RGS14: variants seen among roughly 807,000 people sequenced by gnomAD.
RGS14 encodes the protein regulator of G protein signaling 14.
In RGS14, 33 loss-of-function variants were observed where a neutral mutation model predicts 63.8. That is an observed-to-expected ratio of 0.52 (90% CI 0.39 to 0.69). RGS14 has a LOEUF of 0.69. Ranked by LOEUF, RGS14 falls within the 30% of genes least tolerant of loss-of-function variation. RGS14 has a pLI of 0.00. For synonymous variants in RGS14, 296 were observed against 320.9 expected (o/e 0.92, Z 0.83); for missense variants, 739 against 742.9 (o/e 0.99, Z 0.06).
Position 177,366,877 on chromosome 5 carries a change from CCCTCCTCCTTCAG to C in RGS14, c.340-12_340del. 1 of 1,613,466 alleles carries C rather than the reference CCCTCCTCCTTCAG, an allele frequency of 6.2e-7. No homozygotes were observed. Among genetic ancestry groups the C allele is most frequent in the Non-Finnish European group, 8.5e-7 (1 of 1,179,546 alleles). On this transcript the variant is annotated splice_acceptor_variant and splice_polypyrimidine_tract_variant and intron_variant, in intron 4 of 14. Coordinates refer to ENST00000408923, the MANE Select transcript of RGS14 (RefSeq NM_006480.5). LOFTEE classifies it high-confidence loss of function. ...ACGCTCCCTGACCAACTCCTCCTGT[CCCTCCTCCTTCAG>C]CTAGCTCAGGAGGCCCGCAACATCT... is the stretch of plus-strand genomic sequence containing the variant.
Position 177,371,063 on chromosome 5 carries a change from CG to C in RGS14, c.1254+36del, listed in dbSNP as rs753045699. The C allele has an allele frequency of 8.3e-6, 5 of 599,240 alleles. No homozygotes were observed. Among genetic ancestry groups the C allele is most frequent in the East Asian group, 9.3e-5 (1 of 10,718 alleles). 37.1% of individuals were successfully genotyped at this position (599,240 alleles called of 1,614,324 possible). A position where few individuals can be genotyped will look rare whatever the true frequency, so the allele number is the denominator to read the frequency against. ...TTCCGGGCCGCGGGGCGGGGCGGGG[CG>C]GGGCCGGGCCGGGGCCGGGGCCGGG... On this transcript the variant is annotated intron_variant, in intron 11 of 14. Coordinates refer to ENST00000408923, the MANE Select transcript of RGS14 (RefSeq NM_006480.5). This position sits in a 1 kb window ranked among gnomAD's most constrained non-coding sequence, Gnocchi z 6.1.
chr5:177,367,995 C>T (rs1762143663), intron 7 of RGS14, 162 bp from the exon 8 acceptor site: 1 of 1,442,446 alleles, frequency 6.9e-7, no homozygotes, highest in East Asian at 2.5e-5. Flanking sequence ...TGGGCTAGAC[C>T]TCAGACGTTT....
At chr5:177,365,239 C>A (rs11740835) in intron 1 of RGS14, among the ~76,000 whole-genome samples, 1 of 152,154 alleles carries the variant, frequency 6.6e-6, no homozygotes, top group Non-Finnish European at 1.5e-5. Flanking sequence ...GTCACCCGGG[C>A]TGGAGGGCAA....
chr5:177,366,653 G>C lies in RGS14; in HGVS notation c.247-55G>C, dbSNP rs955541528. On this transcript the variant is annotated intron_variant, in intron 3 of 14. Coordinates refer to ENST00000408923, the MANE Select transcript of RGS14 (RefSeq NM_006480.5). ...CCAATCTTTTTGATCACATCCCCCAGTTTGGTCTCTGTGTCTCTGAGTCTC... is the reference window on the plus strand; with the variant it reads ...CCAATCTTTTTGATCACATCCCCCACTTTGGTCTCTGTGTCTCTGAGTCTC... 12 of 1,535,040 alleles carry C rather than the reference G, an allele frequency of 7.8e-6. No homozygotes were observed. The African/African-American group carries it at 1.4e-4, about 17-fold the overall frequency.
At chr5:177,365,649 C>T (rs1363353481) in intron 1 of RGS14, among the ~76,000 whole-genome samples, 1 of 152,240 alleles carries the variant, frequency 6.6e-6, no homozygotes, top group East Asian at 1.9e-4. Flanking sequence ...AGTTACACAG[C>T]TAGTAAGTGG....
chr5:177,371,229 T>C lies in RGS14; in HGVS notation c.1319T>C (p.Val440Ala). Residue 440 changes from valine to alanine, a missense_variant, in exon 12 of 15, where the codon GTT becomes GCT. Coordinates refer to ENST00000408923, the MANE Select transcript of RGS14 (RefSeq NM_006480.5). This position sits in a 1 kb window ranked among gnomAD's most constrained non-coding sequence, Gnocchi z 6.1. ...AGCTCGGTGGCGGCCCAGAGACTGG[T>C]TTTGGACACTCTTCCAGGTAGGGGA... ...LVSSVAAQRL[V>A]LDTLPGVKIS... The C allele has an allele frequency of 6.2e-7, 1 of 1,612,842 alleles. No individual in the cohort carries two copies. Among genetic ancestry groups the C allele is most frequent in the Non-Finnish European group, 8.5e-7 (1 of 1,179,622 alleles).
At chr5:177,366,014 T>C in intron 2 of RGS14, 30 bp downstream of exon 2, 1 of 1,612,320 alleles carries the variant, frequency 6.2e-7, no homozygotes, top group Non-Finnish European at 8.5e-7. Context: ...GAGAACTGGC[T>C]GAGTGGGAGG....
rs772101838 is a variant in RGS14 at position 177,367,563 on chromosome 5, TGGGACTGGGCGA to T, written c.627+21_627+32del. On this transcript the variant is annotated splice_region_variant and intron_variant, in intron 6 of 14. Coordinates refer to ENST00000408923, the MANE Select transcript of RGS14 (RefSeq NM_006480.5). ...GCCCTGACGCCACGAGGAAGGTGCG[TGGGACTGGGCGA>T]GGGACTGGGCGAGGCAGGGGGTCCT... The T allele has an allele frequency of 6.7e-5, 108 of 1,605,426 alleles. No homozygotes were observed. The highest frequency in any genetic ancestry group is 3.4e-4 in the Middle Eastern group (2 of 5,858).
intron 9 of RGS14, chr5:177,369,189 C>T: frequency 2.0e-6 from 1 of 510,960 alleles, no homozygotes; most frequent in South Asian, 2.1e-5. Flanking sequence ...GGGTTTGCCC[C>T]TCATCATTCC....
chr5:177,371,576 C>G lies in RGS14; in HGVS notation c.1485C>G (p.Thr495=). The G allele has an allele frequency of 6.2e-7, 1 of 1,613,906 alleles. No homozygotes were observed. Among genetic ancestry groups the G allele is most frequent in the South Asian group, 1.1e-5 (1 of 91,068 alleles). ...VPSSATGKRQ[T]CDIEGLVELL... ...GTAGTGCCACTGGAAAGCGGCAGAC[C>G]TGTGACATCGAAGGTACATGGTGGA... The change falls in exon 14 of 15, where the codon ACC becomes ACG. Residue 495 remains threonine, a synonymous_variant. Coordinates refer to ENST00000408923, the MANE Select transcript of RGS14 (RefSeq NM_006480.5). The surrounding 1 kb of genome is among the most constrained non-coding windows in gnomAD (Gnocchi z 6.1).
chr5:177,363,419 G>C (rs1762018364), intron 1 of RGS14, among the ~76,000 whole-genome samples: 1 of 151,926 alleles, frequency 6.6e-6, no homozygotes, highest in African/African-American at 2.4e-5. Context: ...CCGGGCTCCA[G>C]ATGGGAAGCG....
At position 177,368,297 on chromosome 5, in the gene RGS14, T is replaced by C; in HGVS notation, c.849+31T>C. 3 of 1,592,770 alleles carry C rather than the reference T, an allele frequency of 1.9e-6. 1 individual carries two copies. The South Asian group carries it at 3.4e-5, about 18-fold the overall frequency. On this transcript the variant is annotated intron_variant, in intron 8 of 14. Coordinates refer to ENST00000408923, the MANE Select transcript of RGS14 (RefSeq NM_006480.5). ...CCGACTGTTGGGGAAGACAAGATGC[T>C]CTATGGGCTAGAGTCACTACTCAGG... is the stretch of plus-strand genomic sequence containing the variant.
At position 177,358,289 on chromosome 5, in the gene RGS14, C is replaced by T. The variant is rs915067164; in HGVS notation, c.45+220C>T. On this transcript the variant is annotated intron_variant, in intron 1 of 14. Transcript: ENST00000408923. The surrounding 1 kb of genome is among the most constrained non-coding windows in gnomAD (Gnocchi z 4.8). Reference sequence around the variant, plus strand: ...GCCTGGTACAACCCTGGCAGTGAGGCCAGAGCGGGCACAGGCTTCTGGTCC... The same window carrying T: ...GCCTGGTACAACCCTGGCAGTGAGGTCAGAGCGGGCACAGGCTTCTGGTCC... Among the ~76,000 whole-genome samples, 1 of 152,190 alleles carries T rather than the reference C, an allele frequency of 6.6e-6. No individual in the cohort carries two copies. Among genetic ancestry groups the T allele is most frequent in the African/African-American group, 2.4e-5 (1 of 41,434 alleles).
At chr5:177,362,335 T>C (rs1445303553) in intron 1 of RGS14, among the ~76,000 whole-genome samples, 1 of 152,008 alleles carries the variant, frequency 6.6e-6, no homozygotes, top group African/African-American at 2.4e-5. Flanking sequence ...AGTGAAGGGG[T>C]GCCAAGGCCA....
rs546455698 is a variant in RGS14, at chr5:177,367,183, C to T, written c.483+149C>T. On this transcript the variant is annotated intron_variant, in intron 5 of 14. Coordinates refer to ENST00000408923, the MANE Select transcript of RGS14 (RefSeq NM_006480.5). ...AAATGCCGGGGCAGGCAGGGCGGAG[C>T]TCAGAGGGCGGTATCAGAGGCACGG... The T allele has an allele frequency of 3.0e-4, 362 of 1,203,576 alleles. 1 individual carries two copies. In the South Asian group the frequency reaches 5.1e-3, roughly 17 times the overall value. The allele number at this position is 1,203,576 out of a possible 1,614,324, so 74.6% of individuals were successfully genotyped here. A position where few individuals can be genotyped will look rare whatever the true frequency, so the allele number is the denominator to read the frequency against.
rs567067522 is a variant in RGS14, at chr5:177,369,002, C to T, written c.1053+82C>T. ...CATTTCTGTCTCTGCTCAGTCATGG[C>T]TCCAACCCCAATTCAAGTTCTAAAC... On this transcript the variant is annotated intron_variant, in intron 9 of 14. Transcript: ENST00000408923. 720 of 1,396,972 alleles carry T rather than the reference C, an allele frequency of 5.2e-4. 1 individual carries two copies. Among genetic ancestry groups the T allele is most frequent in the Non-Finnish European group, 7.0e-4 (698 of 995,420 alleles). The allele number at this position is 1,396,972 out of a possible 1,614,324, so 86.5% of individuals were successfully genotyped here. A position where few individuals can be genotyped will look rare whatever the true frequency, so the allele number is the denominator to read the frequency against.
Position 177,372,236 on chromosome 5 carries a change from T to C in RGS14, c.*161T>C. Reference sequence around the variant, plus strand: ...GGTAGGGGTGGAAAGGGGACTCAGATGAGACACACCCCACAGCTGCCACCG... The same window carrying C: ...GGTAGGGGTGGAAAGGGGACTCAGACGAGACACACCCCACAGCTGCCACCG... On this transcript the variant is annotated 3_prime_UTR_variant, in exon 15 of 15. Transcript: ENST00000408923. 1 of 682,644 alleles carries C rather than the reference T, an allele frequency of 1.5e-6. No individual in the cohort carries two copies. The highest frequency in any genetic ancestry group is 2.5e-6 in the Non-Finnish European group (1 of 403,740). 42.3% of individuals were successfully genotyped at this position (682,644 alleles called of 1,614,324 possible). A position where few individuals can be genotyped will look rare whatever the true frequency, so the allele number is the denominator to read the frequency against.
chr5:177,372,449 T>C lies in RGS14; in HGVS notation c.*374T>C. 1 of 237,546 alleles carries C rather than the reference T, an allele frequency of 4.2e-6. No individual in the cohort carries two copies. The highest frequency in any genetic ancestry group is 9.9e-5 in the East Asian group (1 of 10,124). The allele number at this position is 237,546 out of a possible 1,614,324, so 14.7% of individuals were successfully genotyped here. A position where few individuals can be genotyped will look rare whatever the true frequency, so the allele number is the denominator to read the frequency against. ...CCGGCCCCTCCTCAGGAAGCTGGTA[T>C]GAGTAAGGCCTTGAGGGTGCAGGCA... On this transcript the variant is annotated 3_prime_UTR_variant, in exon 15 of 15. Transcript: ENST00000408923.
rs371634776 is a variant in RGS14, at chr5:177,371,004, G to A, written c.1227G>A (p.Leu409=). 4.4e-5 allele frequency: 70 copies of A among 1,599,830 alleles called. No homozygotes were observed. The highest frequency in any genetic ancestry group is 2.3e-4 in the Admixed American group (14 of 59,700). ...AGCCCATTCTGGAGAAGCACGGCTT[G>A]AGCCCGCTAGAGGTGGTGCTGCACC... ...ALQPILEKHG[L]SPLEVVLHRP... The change falls in exon 11 of 15, where the codon TTG becomes TTA. Residue 409 remains leucine (L), a synonymous_variant. Transcript: ENST00000408923. This position sits in a 1 kb window ranked among gnomAD's most constrained non-coding sequence, Gnocchi z 6.1.
Sources: gnomAD v4.1 joint callset for allele counts (sites outside exome capture counted in the v4.1 genomes callset) on GRCh38, gnomAD v4.1.1 for gene constraint, Gnocchi (gnomAD v3.1) non-coding constraint, MANE v1.5 for transcripts, NCBI Gene and HGNC (gene_info 2026-07-23, HGNC 2026-07-21) for gene names.